DHRSX: variants seen among roughly 807,000 people sequenced by gnomAD.
The protein encoded by DHRSX is dehydrogenase/reductase X-linked.
A neutral mutation model predicts 34.0 loss-of-function variants in DHRSX; 31 were observed. The ratio of observed to expected loss-of-function variants is 0.91; its 90% CI spans 0.69 to 1.23. The LOEUF is 1.23. Ranked by LOEUF, DHRSX falls within the 50% of genes most tolerant of loss-of-function variation. DHRSX has a pLI of 0.00. For synonymous variants in DHRSX, 201 were observed against 183.8 expected (o/e 1.09, Z -0.76); for missense variants, 414 against 428.1 (o/e 0.97, Z 0.29).
chrX:2,436,881 C>A (rs1225575167), intron 1 of DHRSX, among the ~76,000 whole-genome samples: 1 of 152,108 alleles, frequency 6.6e-6, no homozygotes, highest in Admixed American at 6.5e-5. Context: ...GATCCTCCCA[C>A]CTTGGCCTCC....
intron 3 of DHRSX, among the ~76,000 whole-genome samples, chrX:2,379,613 T>G (rs955454946): frequency 1.3e-4 from 20 of 150,376 alleles, no homozygotes; most frequent in Non-Finnish European, 2.4e-4. Context: ...TTTTTTTTTT[T>G]TTTTTTAATG....
intron 6 of DHRSX, among the ~76,000 whole-genome samples, chrX:2,227,425 G>A (rs1213708157): frequency 6.7e-6 from 1 of 148,994 alleles, no homozygotes; most frequent in Admixed American, 6.8e-5. Context: ...GGGAGGGAAG[G>A]AAGGAGTGAC....
At chrX:2,359,511 C>A (rs1364186030) in intron 3 of DHRSX, among the ~76,000 whole-genome samples, 4 of 152,036 alleles carry the variant, frequency 2.6e-5, no homozygotes, top group African/African-American at 9.7e-5. Context: ...AACCCCGTCT[C>A]TACTAAAAAT....
chrX:2,491,092 C>CA (rs2045130895), intron 1 of DHRSX, among the ~76,000 whole-genome samples: 1 of 111,436 alleles, frequency 9.0e-6, no homozygotes, highest in South Asian at 3.0e-4. Flanking sequence ...TTTTTTGAGA[C>CA]AGAGTTTCGC....
intron 3 of DHRSX, among the ~76,000 whole-genome samples, chrX:2,371,217 G>GTTACCGTAGTCCCTCCCCA (rs1445478796): frequency 8.5e-6 from 1 of 117,136 alleles, no homozygotes; most frequent in Non-Finnish European, 1.9e-5. Flanking sequence ...CCCTTCTCCC[G>GTTACCGTAGTCCCTCCCCA]TTACCGTAGT....
chrX:2,499,962 G>T (rs1038751708), intron 1 of DHRSX, among the ~76,000 whole-genome samples: 14 of 152,176 alleles, frequency 9.2e-5, no homozygotes, highest in Non-Finnish European at 1.5e-4. Flanking sequence ...AGGACTGCTT[G>T]AGCCCAGGAG....
intron 3 of DHRSX, among the ~76,000 whole-genome samples, chrX:2,298,985 CAAAAAA>C (rs1162323678): frequency 2.9e-3 from 257 of 88,538 alleles, no homozygotes; most frequent in African/African-American, 0.013. Flanking sequence ...AACTCTGTCT[CAAAAAA>C]AAAAAAAAAA....
At chrX:2,334,792 T>C (rs2042531532) in intron 3 of DHRSX, 1 of 152,190 alleles carries the variant, frequency 6.6e-6, no homozygotes, top group Admixed American at 6.5e-5. Flanking sequence ...AATAAGGGAC[T>C]CTATCCATCA....
At chrX:2,361,968 A>G (rs188270575) in intron 3 of DHRSX, among the ~76,000 whole-genome samples, 15 of 152,238 alleles carry the variant, frequency 9.9e-5, no homozygotes, top group Admixed American at 8.5e-4. Flanking sequence ...TTAGTCCTTT[A>G]ATTTTCTTCC....
At chrX:2,482,462 C>T (rs1294738618) in intron 1 of DHRSX, among the ~76,000 whole-genome samples, 2 of 152,022 alleles carry the variant, frequency 1.3e-5, no homozygotes, top group Admixed American at 6.6e-5. Context: ...CACAGGATCT[C>T]GCTGTTTGCC....
At chrX:2,365,059 T>C (rs747774142) in intron 3 of DHRSX, among the ~76,000 whole-genome samples, 2 of 152,270 alleles carry the variant, frequency 1.3e-5, no homozygotes, top group Admixed American at 6.5e-5. Context: ...ATTTATGAAA[T>C]TGGGGTAATA....
chrX:2,397,959 T>TA (rs1387027914), intron 3 of DHRSX, among the ~76,000 whole-genome samples: 1 of 133,556 alleles, frequency 7.5e-6, no homozygotes, highest in African/African-American at 2.9e-5. Context: ...CACACATAGA[T>TA]ACATATGCCA....
intron 3 of DHRSX, among the ~76,000 whole-genome samples, chrX:2,310,241 C>T (rs2042146556): frequency 1.3e-5 from 2 of 152,012 alleles, no homozygotes; most frequent in Admixed American, 1.3e-4. Context: ...TGAGCAGGGA[C>T]GAAGCTCATG....
At chrX:2,388,732 A>G (rs1440597149) in intron 3 of DHRSX, among the ~76,000 whole-genome samples, 1 of 151,626 alleles carries the variant, frequency 6.6e-6, no homozygotes, top group East Asian at 1.9e-4. Context: ...CAGCATCTCC[A>G]AGTCCAGGAG....
At chrX:2,374,098 T>C (rs912155668) in intron 3 of DHRSX, among the ~76,000 whole-genome samples, 1 of 152,114 alleles carries the variant, frequency 6.6e-6, no homozygotes, top group African/African-American at 2.4e-5. Context: ...ACCACCCTCA[T>C]GTGATTAGTA....
chrX:2,489,659 C>A (rs765319071), intron 1 of DHRSX: 9 of 1,612,418 alleles, frequency 5.6e-6, no homozygotes, highest in Middle Eastern at 2.0e-4. Flanking sequence ...CGTGCTCCCC[C>A]ACCAGGAGAC....
rs148762398 is a variant in DHRSX, at chrX:2,403,213, G to C, written c.286+5532C>G. On this transcript the variant is annotated intron_variant, in intron 3 of 6. Transcript: ENST00000334651. ...AGTTATTTTTAAATGGACCATGAAG[G>C]ATTGTTGACTGTAGTCACCCTTTTG... 3.5e-3 allele frequency among the ~76,000 whole-genome samples: 539 copies of C among 152,122 alleles called. 4 individuals are homozygous for C. Among genetic ancestry groups the C allele is most frequent in the African/African-American group, 0.012 (506 of 41,524 alleles).
chrX:2,304,026 TG>T (rs2042057792), intron 3 of DHRSX, among the ~76,000 whole-genome samples: 2 of 71,340 alleles, frequency 2.8e-5, no homozygotes, highest in African/African-American at 1.0e-4. Flanking sequence ...GATGAACTGA[TG>T]GATGGATGGA....
intron 2 of DHRSX, among the ~76,000 whole-genome samples, chrX:2,411,927 G>A (rs1004413844): frequency 4.7e-4 from 72 of 152,186 alleles, no homozygotes; most frequent in African/African-American, 1.6e-3. Flanking sequence ...TGGTGGCACC[G>A]TCAACGCTGG....
Sources: allele counts gnomAD v4.1 joint callset (sites outside exome capture counted in the v4.1 genomes callset), GRCh38; gene constraint gnomAD v4.1.1; transcripts MANE v1.5; gene names NCBI Gene and HGNC (gene_info 2026-07-23, HGNC 2026-07-21).